FBN3: variants seen among roughly 807,000 people sequenced by gnomAD.
FBN3 encodes the protein fibrillin-3.
Under a neutral mutation model 330.1 loss-of-function variants are expected in FBN3, and 234 were observed. The observed-to-expected ratio is 0.71, with a 90% CI of 0.64 to 0.79. FBN3 has a LOEUF of 0.79. FBN3 is among the 30% of genes least tolerant of loss of function. FBN3 has a pLI of 0.00. For missense variants in FBN3, 3,606 were observed against 3,886.9 expected (o/e 0.93, Z 1.92); for synonymous variants, 1,458 against 1,517.3 (o/e 0.96, Z 0.91).
chr19:8,139,338 T>C (rs1179010929), intron 8 of FBN3, among the ~76,000 whole-genome samples: 1 of 152,072 alleles, frequency 6.6e-6, no homozygotes, highest in South Asian at 2.1e-4. Flanking sequence ...CAGACCAAGA[T>C]TCCGCCTCAA....
At chr19:8,070,918 C>A (rs112459760) in intron 63 of FBN3, among the ~76,000 whole-genome samples, 19,582 of 151,336 alleles carry the variant, frequency 0.13, 1,438 homozygotes, top group Non-Finnish European at 0.17. Context: ...GCTACTCGGG[C>A]GGCTGAGGCA....
rs1252137957 is a variant in FBN3, at chr19:8,073,084, C to T, written c.7916G>A (p.Gly2639Asp). The T allele has an allele frequency of 6.2e-7, 1 of 1,611,430 alleles. No individual in the cohort carries two copies. The highest frequency in any genetic ancestry group is 8.5e-7 in the Non-Finnish European group (1 of 1,178,586). Reference sequence around the variant, plus strand: ...TCACCCTTGCCCAGCCCGGAAGTAGCCTTGAGGACAGCCGCACAGGAAGCC... The same window carrying T: ...TCACCCTTGCCCAGCCCGGAAGTAGTCTTGAGGACAGCCGCACAGGAAGCC... ...PGGFLCGCPQ[G>D]YFRAGQGHCV... Residue 2639 changes from glycine (G) to aspartate (D), a missense_variant, in exon 62 of 64, where the codon GGC (glycine) becomes GAC (aspartate). Physicochemically the swap from Gly to Asp is moderately conservative, Grantham distance 94 (BLOSUM62 -1). Coordinates refer to ENST00000600128, the MANE Select transcript of FBN3 (RefSeq NM_032447.5).
intron 25 of FBN3, among the ~76,000 whole-genome samples, chr19:8,120,868 A>G (rs760008846): frequency 6.6e-5 from 10 of 152,204 alleles, no homozygotes; most frequent in Admixed American, 1.3e-4. Flanking sequence ...CTGGAGCTAG[A>G]GCTCCCTGCA....
At chr19:8,105,620 C>T (rs988474379) in intron 38 of FBN3, among the ~76,000 whole-genome samples, 13 of 152,054 alleles carry the variant, frequency 8.5e-5, no homozygotes, top group Middle Eastern at 3.4e-3. Flanking sequence ...TTTTTTCAAC[C>T]GTTGAGAAAA....
Position 8,091,585 on chromosome 19 carries a change from C to T in FBN3, c.5911G>A (p.Asp1971Asn), listed in dbSNP as rs769644980. 37 of 1,613,866 alleles carry T rather than the reference C, an allele frequency of 2.3e-5. No homozygotes were observed. Among genetic ancestry groups the T allele is most frequent in the Non-Finnish European group, 3.1e-5 (36 of 1,179,976 alleles). Residue 1971 changes from aspartate to asparagine, a missense_variant, in exon 48 of 64, where the codon GAC becomes AAC. Coordinates refer to ENST00000600128, the MANE Select transcript of FBN3 (RefSeq NM_032447.5). The stretch of plus-strand genomic sequence containing the variant: ...AGGTTGGGCTCCTCTGAGCACTCGT[C>T]GATATCTGGAAGGGCAGGGACATGA... Reference protein sequence around the residue: ...QVQSDHCIDIDECSEEPNLCL... With the variant: ...QVQSDHCIDINECSEEPNLCL...
At chr19:8,104,183 A>T (rs1002908635) in intron 38 of FBN3, among the ~76,000 whole-genome samples, 1 of 137,388 alleles carries the variant, frequency 7.3e-6, no homozygotes, top group African/African-American at 2.8e-5. Flanking sequence ...AAAAAAAAAA[A>T]CATTTACAAG....
At chr19:8,086,470 T>TA (rs1184025446) in intron 54 of FBN3, 145 bp from the exon 55 acceptor site, 2 of 304,230 alleles carry the variant, frequency 6.6e-6, no homozygotes, top group African/African-American at 4.6e-5. Flanking sequence ...TTATTATTAT[T>TA]TTTTGAGACA....
At position 8,146,205 on chromosome 19, in the gene FBN3, C is replaced by A; in HGVS notation, c.271G>T (p.Gly91Cys). 1 of 1,597,528 alleles carries A rather than the reference C, an allele frequency of 6.3e-7. No individual in the cohort carries two copies. Among genetic ancestry groups the A allele is most frequent in the Non-Finnish European group, 8.5e-7 (1 of 1,173,484 alleles). ...CVVPICRRAC[G>C]EGFCSQPNLC... Reference sequence around the variant, plus strand: ...TTGGGCTGGGAGCAGAAGCCTTCACCGCAGGCGCGCCTACAGATGGCTGGA... The same window carrying A: ...TTGGGCTGGGAGCAGAAGCCTTCACAGCAGGCGCGCCTACAGATGGCTGGA... Residue 91 changes from glycine (G) to cysteine (C), a missense_variant, in exon 4 of 64, where the codon GGT becomes TGT. By Grantham distance (159) the Gly-to-Cys change is radical. Coordinates refer to ENST00000600128, the MANE Select transcript of FBN3 (RefSeq NM_032447.5).
At position 8,144,879 on chromosome 19, in the gene FBN3, C is replaced by G. The variant is rs1263173733; in HGVS notation, c.539G>C (p.Arg180Thr). The change falls in exon 6 of 64, where the codon AGA (arginine) becomes ACA (threonine). Residue 180 changes from arginine (R) to threonine (T), a missense_variant and splice_region_variant. Transcript: ENST00000600128. ...VYGFMGPQCE[R>T]DYRTGPCFGQ... ...TCCCACCCGCGCATGCTTGGTACCTCTCTCACATTGAGGTCCCATGAAGCC... is the reference window on the plus strand; with the variant it reads ...TCCCACCCGCGCATGCTTGGTACCTGTCTCACATTGAGGTCCCATGAAGCC... 1 of 1,605,902 alleles carries G rather than the reference C, an allele frequency of 6.2e-7. No individual in the cohort carries two copies. Among genetic ancestry groups the G allele is most frequent in the East Asian group, 2.2e-5 (1 of 44,632 alleles).
At chr19:8,078,759 A>G (rs538095545) in intron 59 of FBN3, among the ~76,000 whole-genome samples, 2 of 149,126 alleles carry the variant, frequency 1.3e-5, no homozygotes, top group South Asian at 4.2e-4. Context: ...TCTTGTTTCA[A>G]GAGTCTTTGT....
At chr19:8,080,855 CAG>C in intron 59 of FBN3, 146 bp downstream of exon 59, 1 of 609,168 alleles carries the variant, frequency 1.6e-6, no homozygotes, top group Non-Finnish European at 2.9e-6. Context: ...CTCCTGACCT[CAG>C]ATGATCCACC....
At chr19:8,126,074 C>T in intron 21 of FBN3, 57 bp from the exon 22 acceptor site, 1 of 1,609,842 alleles carries the variant, frequency 6.2e-7, no homozygotes, top group Non-Finnish European at 8.5e-7. Context: ...TGCTGGCTGG[C>T]CATTCCCCTG....
rs1568356283 is a variant in FBN3 at position 8,075,372 on chromosome 19, GCAC to G, written c.7490_7492del (p.Gly2497del). The G allele has an allele frequency of 3.1e-6, 5 of 1,614,092 alleles. No homozygotes were observed. In the East Asian group the frequency reaches 1.1e-4, roughly 36 times the overall value. ...CGGGGTGTTGTGGCAGTGCCCGTGGGCACCACATGGGCCAGGCTGGGCTGAGCA... is the reference window on the plus strand; with the variant it reads ...CGGGGTGTTGTGGCAGTGCCCGTGGGCACATGGGCCAGGCTGGGCTGAGCA... On this transcript the variant is annotated inframe_deletion, in exon 60 of 64. Transcript: ENST00000600128.
chr19:8,089,642 G>T lies in FBN3; in HGVS notation c.6279C>A (p.Gly2093=), dbSNP rs746981537. ...TGACACAGACGCCGTTAGTGCAGAC[G>T]CCAGGGTTCTCTGCACACTCATTCA... ...EDVNECAENP[G]VCTNGVCVNT... is the part of the protein sequence containing the mutation. Residue 2093 remains glycine (G), a synonymous_variant, in exon 51 of 64, where the codon GGC becomes GGA. Transcript: ENST00000600128. 1.2e-6 allele frequency: 2 copies of T among 1,614,130 alleles called. No homozygotes were observed. Among genetic ancestry groups the T allele is most frequent in the East Asian group, 2.2e-5 (1 of 44,890 alleles).
Position 8,147,165 on chromosome 19 carries a change from C to A in FBN3, c.189G>T (p.Arg63=). Residue 63 remains arginine, a synonymous_variant, in exon 3 of 64, where the codon CGG becomes CGT. Transcript: ENST00000600128. ...AGCCTGGACAGCAGTAGGCATGGAA[C>A]CGGGAGCCGCACACATTCGGCCTTC... ...ILQGPNVCGS[R]FHAYCCPGWR... 6.4e-7 allele frequency: 1 copy of A among 1,570,854 alleles called. No individual in the cohort carries two copies. The highest frequency in any genetic ancestry group is 8.6e-7 in the Non-Finnish European group (1 of 1,158,920).
chr19:8,089,416 T>A, intron 51 of FBN3, 129 bp downstream of exon 51: 1 of 974,230 alleles, frequency 1.0e-6, no homozygotes, highest in Non-Finnish European at 1.5e-6. Flanking sequence ...AAAAAGTGAA[T>A]GGGGGAGAGA....
At chr19:8,122,254 A>G (rs2082869568) in intron 24 of FBN3, among the ~76,000 whole-genome samples, 1 of 151,756 alleles carries the variant, frequency 6.6e-6, no homozygotes, top group Admixed American at 6.6e-5. Context: ...GGGCTCAAGC[A>G]ATCCTCCCAC....
chr19:8,137,915 G>C (rs183719238), intron 10 of FBN3, among the ~76,000 whole-genome samples: 4 of 152,060 alleles, frequency 2.6e-5, no homozygotes, highest in Non-Finnish European at 5.9e-5. Context: ...GGCATGAGTC[G>C]CTGTGTCCAG....
In FBN3 at chr19:8,096,463, T is replaced by G. The variant is rs757821592; in HGVS notation, c.5520A>C (p.Ala1840=). Residue 1840 remains alanine (A), a synonymous_variant, in exon 44 of 64, where the codon GCA becomes GCC. Transcript: ENST00000600128. The surrounding 1 kb of genome is among the most constrained non-coding windows in gnomAD (Gnocchi z 4.6). The part of the protein sequence containing the change: ...CLCHRGFQAS[A]DQTLCMDIDE... ...TCTCACCCATGCACAGGGTCTGGTCTGCAGAGGCCTGGAATCCACGGTGAC... is the reference window on the plus strand; with the variant it reads ...TCTCACCCATGCACAGGGTCTGGTCGGCAGAGGCCTGGAATCCACGGTGAC... The G allele has an allele frequency of 3.1e-6, 5 of 1,613,986 alleles. No individual in the cohort carries two copies. In the South Asian group the frequency reaches 4.4e-5, roughly 14 times the overall value.
Sources: allele counts gnomAD v4.1 joint callset (sites outside exome capture counted in the v4.1 genomes callset), GRCh38; gene constraint gnomAD v4.1.1; non-coding constraint Gnocchi (gnomAD v3.1); transcripts MANE v1.5; gene names NCBI Gene and HGNC (gene_info 2026-07-23, HGNC 2026-07-21).